EPHA7: variants seen among roughly 807,000 people sequenced by gnomAD.
EPHA7 encodes EPH receptor A7.
In EPHA7, 25 loss-of-function variants were observed where a neutral mutation model predicts 112.6. The observed-to-expected ratio is 0.22, with a 90% CI of 0.16 to 0.31. The LOEUF (loss-of-function observed/expected upper bound fraction) is 0.31. Ranked by LOEUF, EPHA7 falls within the 10% of genes least tolerant of loss-of-function variation. EPHA7 has a pLI of 1.00. For missense variants in EPHA7, 962 were observed against 1,212.6 expected, an observed-to-expected ratio of 0.79 and a Z score of 3.07; for synonymous variants, 437 against 406.5, an observed-to-expected ratio of 1.07 and a Z score of -0.90.
At chr6:93,259,305 G>T in intron 10 of EPHA7, 49 bp downstream of exon 10, 1 of 1,603,602 alleles carries the variant, frequency 6.2e-7, no homozygotes, top group South Asian at 1.1e-5. Context: ...TATGACTTTC[G>T]ATCTTGGCTA....
intron 5 of EPHA7, among the ~76,000 whole-genome samples, chr6:93,277,675 C>G (rs1231606686): frequency 6.6e-6 from 1 of 151,560 alleles, no homozygotes; most frequent in African/African-American, 2.4e-5. Flanking sequence ...GATGTTTTTT[C>G]AAAATTAAAT....
At chr6:93,312,331 C>T (rs1326714931) in intron 5 of EPHA7, among the ~76,000 whole-genome samples, 5 of 152,148 alleles carry the variant, frequency 3.3e-5, no homozygotes, top group African/African-American at 9.7e-5. Flanking sequence ...CTTAGCTAGA[C>T]CTTTTAGATA....
At chr6:93,247,786 A>G (rs1017883267) in intron 14 of EPHA7, among the ~76,000 whole-genome samples, 2 of 152,204 alleles carry the variant, frequency 1.3e-5, no homozygotes, top group African/African-American at 2.4e-5. Flanking sequence ...CCTAATAGGC[A>G]TATCTAATAT....
intron 5 of EPHA7, among the ~76,000 whole-genome samples, chr6:93,325,644 T>A (rs79923401): frequency 0.049 from 7,339 of 151,318 alleles, 216 homozygotes; most frequent in African/African-American, 0.075. Context: ...TCCAACAAAA[T>A]GAACCACCAC....
intron 5 of EPHA7, among the ~76,000 whole-genome samples, chr6:93,332,286 A>G (rs967033409): frequency 1.3e-5 from 2 of 151,654 alleles, no homozygotes; most frequent in African/African-American, 4.8e-5. Context: ...GAGAAAAGCA[A>G]TAATTTGATA....
intron 14 of EPHA7, among the ~76,000 whole-genome samples, chr6:93,252,744 TA>T (rs1206644878): frequency 3.3e-5 from 5 of 151,910 alleles, no homozygotes; most frequent in African/African-American, 1.2e-4. Flanking sequence ...CCTATCTAGG[TA>T]ATCTCTCACT....
chr6:93,240,836 A>G lies in EPHA7; in HGVS notation c.*2590T>C. 1 of 210,290 alleles carries G rather than the reference A, an allele frequency of 4.8e-6. No individual in the cohort carries two copies. The highest frequency in any genetic ancestry group is 9.7e-6 in the Non-Finnish European group (1 of 103,452). The allele number at this position is 210,290 out of a possible 1,614,324, so 13.0% of individuals were successfully genotyped here. ...GGAAGAGAGTATTACAATCAGCATTACAATGTTAATTCTTTTTCTCTTAAT... is the reference window on the plus strand; with the variant it reads ...GGAAGAGAGTATTACAATCAGCATTGCAATGTTAATTCTTTTTCTCTTAAT... On this transcript the variant is annotated 3_prime_UTR_variant, in exon 17 of 17. Transcript: ENST00000369303.
intron 5 of EPHA7, among the ~76,000 whole-genome samples, chr6:93,282,661 C>CAG (rs929672039): frequency 1.3e-5 from 2 of 152,050 alleles, no homozygotes; most frequent in African/African-American, 4.8e-5. Context: ...GAGGGGCAGG[C>CAG]AGGAGCTGGG....
intron 5 of EPHA7, among the ~76,000 whole-genome samples, chr6:93,331,094 T>C (rs1194230336): frequency 1.3e-5 from 2 of 151,452 alleles, no homozygotes; most frequent in Admixed American, 1.3e-4. Flanking sequence ...GAGAAAAGTA[T>C]TGCAGATGCC....
chr6:93,389,216 A>G (rs1033093784), intron 3 of EPHA7, among the ~76,000 whole-genome samples: 3 of 152,112 alleles, frequency 2.0e-5, no homozygotes, highest in South Asian at 4.1e-4. Context: ...TGAGTTAGAC[A>G]GTGTGTTAAA....
At chr6:93,362,385 AT>A (rs1201503294) in intron 3 of EPHA7, among the ~76,000 whole-genome samples, 1 of 152,098 alleles carries the variant, frequency 6.6e-6, no homozygotes, top group African/African-American at 2.4e-5. Context: ...AATCTCAACT[AT>A]TTAAATATTG....
chr6:93,324,730 G>A (rs559061918), intron 5 of EPHA7, among the ~76,000 whole-genome samples: 4 of 151,492 alleles, frequency 2.6e-5, no homozygotes, highest in South Asian at 2.1e-4. Context: ...CCTTCAACAC[G>A]TATACAGAGA....
chr6:93,296,467 G>T (rs62414227), intron 5 of EPHA7, among the ~76,000 whole-genome samples: 37,710 of 126,126 alleles, frequency 0.3, 5,445 homozygotes, highest in South Asian at 0.43. Flanking sequence ...ATATATATAT[G>T]TATATATATA....
intron 15 of EPHA7, among the ~76,000 whole-genome samples, chr6:93,246,458 TA>T (rs999820802): frequency 6.6e-6 from 1 of 152,084 alleles, no homozygotes; most frequent in African/African-American, 2.4e-5. Context: ...ACAACAGTAA[TA>T]AAAACCCATG....
chr6:93,266,651 C>A (rs1770953953), intron 7 of EPHA7, among the ~76,000 whole-genome samples: 1 of 151,640 alleles, frequency 6.6e-6, no homozygotes, highest in East Asian at 1.9e-4. Context: ...TGTCAAATTT[C>A]TCTTTACAAA....
In EPHA7 at chr6:93,242,760, C is replaced by T; in HGVS notation, c.*666G>A. The T allele has an allele frequency of 4.8e-6, 1 of 209,962 alleles. No homozygotes were observed. Among genetic ancestry groups the T allele is most frequent in the Non-Finnish European group, 9.7e-6 (1 of 102,986 alleles). The allele number at this position is 209,962 out of a possible 1,614,324, so 13.0% of individuals were successfully genotyped here. ...AAATATCAGAGCTCTTGGCAACTTGCATTTTCTTGACTACCTGCCAATTAG... is the reference window on the plus strand; with the variant it reads ...AAATATCAGAGCTCTTGGCAACTTGTATTTTCTTGACTACCTGCCAATTAG... On this transcript the variant is annotated 3_prime_UTR_variant, in exon 17 of 17. Coordinates refer to ENST00000369303, the MANE Select transcript of EPHA7 (RefSeq NM_004440.4).
intron 5 of EPHA7, among the ~76,000 whole-genome samples, chr6:93,342,569 T>C (rs1452364417): frequency 3.3e-5 from 5 of 151,686 alleles, no homozygotes; most frequent in East Asian, 3.9e-4. Flanking sequence ...ATTAGATAAA[T>C]AGAATGGCAC....
At chr6:93,404,879 C>A (rs1778619264) in intron 3 of EPHA7, among the ~76,000 whole-genome samples, 1 of 151,634 alleles carries the variant, frequency 6.6e-6, no homozygotes, top group Admixed American at 6.6e-5. Flanking sequence ...CTATTAATAT[C>A]TTCTACCTTT....
intron 3 of EPHA7, among the ~76,000 whole-genome samples, chr6:93,404,030 A>G (rs1332636090): frequency 6.6e-6 from 1 of 152,194 alleles, no homozygotes; most frequent in Non-Finnish European, 1.5e-5. Flanking sequence ...AGTATCAGGC[A>G]GAGGGAGCAG....
Sources: gnomAD v4.1 joint callset for allele counts (sites outside exome capture counted in the v4.1 genomes callset) on GRCh38, gnomAD v4.1.1 for gene constraint, MANE v1.5 for transcripts, NCBI Gene and HGNC (gene_info 2026-07-23, HGNC 2026-07-21) for gene names.